Variants in SLC25A26 observed in about 807,000 individuals in gnomAD.
The protein encoded by SLC25A26 is solute carrier family 25 member 26.
A neutral mutation model predicts 37.8 loss-of-function variants in SLC25A26; 36 were observed. The observed-to-expected ratio is 0.95, with a 90% CI of 0.73 to 1.26. The LOEUF (loss-of-function observed/expected upper bound fraction) is 1.26, where lower values mean the gene tolerates loss of function less well. SLC25A26 is among the 50% of genes most tolerant of loss of function. The pLI, the probability that SLC25A26 is intolerant of heterozygous loss-of-function variation, is 0.00. For missense variants in SLC25A26, 390 were observed against 331.1 expected (o/e 1.18, Z -1.38); for synonymous variants, 129 against 122.5 (o/e 1.05, Z -0.35).
At chr3:66,156,068 C>T (rs1477036813) in intron 1 of SLC25A26, among the ~76,000 whole-genome samples, 2 of 152,088 alleles carry the variant, frequency 1.3e-5, no homozygotes, top group Non-Finnish European at 2.9e-5. Context: ...TCTGATCTGC[C>T]CCTCACTGTT....
intron 6 of SLC25A26, among the ~76,000 whole-genome samples, chr3:66,361,152 T>A (rs1421477777): frequency 6.6e-6 from 1 of 152,230 alleles, no homozygotes. Context: ...GAAATGATTA[T>A]CTTTCCCAGT....
chr3:66,356,454 A>G (rs2076578140), intron 6 of SLC25A26, among the ~76,000 whole-genome samples: 1 of 152,164 alleles, frequency 6.6e-6, no homozygotes, highest in African/African-American at 2.4e-5. Flanking sequence ...GAATAATACA[A>G]ATACTGTTAA....
At chr3:66,327,485 A>G (rs562038367) in intron 5 of SLC25A26, among the ~76,000 whole-genome samples, 1 of 152,180 alleles carries the variant, frequency 6.6e-6, no homozygotes, top group Admixed American at 6.5e-5. Context: ...CTTAAAATAT[A>G]TTTGTTAACC....
rs188443318 is a variant in SLC25A26, at chr3:66,365,253, C to T, written c.568+2324C>T. 1.3e-3 allele frequency among the ~76,000 whole-genome samples: 198 copies of T among 152,334 alleles called. 1 individual carries two copies. Among genetic ancestry groups the T allele is most frequent in the African/African-American group, 4.5e-3 (186 of 41,570 alleles). ...AGATTTCTCATCCCCATGTGCTTTT[C>T]CAAGTTTAAATTGGCTAAATCATTG... On this transcript the variant is annotated intron_variant, in intron 7 of 9. Coordinates refer to ENST00000354883, the MANE Select transcript of SLC25A26 (RefSeq NM_001379210.1).
intron 5 of SLC25A26, among the ~76,000 whole-genome samples, chr3:66,301,083 A>C (rs2075063461): frequency 6.6e-6 from 1 of 152,176 alleles, no homozygotes; most frequent in Non-Finnish European, 1.5e-5. Flanking sequence ...TGTGTCCTCA[A>C]ATAATTGGAT....
chr3:66,314,446 G>A (rs746326507), intron 5 of SLC25A26, among the ~76,000 whole-genome samples: 38 of 152,124 alleles, frequency 2.5e-4, no homozygotes, highest in Non-Finnish European at 2.4e-4. Context: ...TGAACCAGCC[G>A]TGCATCCTGG....
At chr3:66,310,988 G>A (rs1052779747) in intron 5 of SLC25A26, among the ~76,000 whole-genome samples, 1 of 152,054 alleles carries the variant, frequency 6.6e-6, no homozygotes, top group Admixed American at 6.6e-5. Context: ...ATCTTCTCGA[G>A]GAGTATCTTA....
intron 9 of SLC25A26, 69 bp from the exon 10 acceptor site, chr3:66,377,621 C>A: frequency 8.1e-7 from 1 of 1,235,942 alleles, no homozygotes; most frequent in Non-Finnish European, 1.2e-6. Flanking sequence ...GCTGAGCAAG[C>A]TGTGGGTATT....
chr3:66,210,485 T>A (rs1384984771), intron 1 of SLC25A26, among the ~76,000 whole-genome samples: 1 of 151,912 alleles, frequency 6.6e-6, no homozygotes, highest in Non-Finnish European at 1.5e-5. Flanking sequence ...CATATGCAAA[T>A]GTCCTGAGGC....
upstream of SLC25A26, among the ~76,000 whole-genome samples, chr3:66,219,072 G>T (rs2071403981): frequency 6.6e-6 from 1 of 152,218 alleles, no homozygotes. Flanking sequence ...TACAGATTTT[G>T]GTACTTGGAG....
At chr3:66,373,515 C>T (rs1575625073) in intron 9 of SLC25A26, among the ~76,000 whole-genome samples, 1 of 152,108 alleles carries the variant, frequency 6.6e-6, no homozygotes, top group Non-Finnish European at 1.5e-5. Flanking sequence ...AACTTTGTGG[C>T]CAGAGTGGTC....
chr3:66,262,060 C>G lies in SLC25A26; in HGVS notation c.310C>G (p.Leu104Val), dbSNP rs1255364402. The G allele has an allele frequency of 1.3e-6, 2 of 1,572,818 alleles. No individual in the cohort carries two copies. Among genetic ancestry groups the G allele is most frequent in the Admixed American group, 1.9e-5 (1 of 53,788 alleles). ...CAAATTTGTCTTTTAGGTTGCCTGC[C>G]TGATTCGAGTTCCATCTGAAGTGGT... ...AASAGEVVACLIRVPSEVVKQ... is the reference protein window; with the variant it reads ...AASAGEVVACVIRVPSEVVKQ... Residue 104 changes from leucine to valine, a missense_variant, in exon 4 of 10, where the codon CTG becomes GTG. Leu to Val is a conservative substitution (Grantham distance 32). Transcript: ENST00000354883.
intron 5 of SLC25A26, among the ~76,000 whole-genome samples, chr3:66,321,583 G>C (rs2075694605): frequency 6.6e-6 from 1 of 152,192 alleles, no homozygotes; most frequent in African/African-American, 2.4e-5. Flanking sequence ...TGTGTGTCCA[G>C]TGGGTGGGGG....
intron 6 of SLC25A26, among the ~76,000 whole-genome samples, chr3:66,349,693 T>G (rs1348556699): frequency 1.3e-5 from 2 of 152,186 alleles, no homozygotes; most frequent in Non-Finnish European, 2.9e-5. Flanking sequence ...GATGTAGGTT[T>G]TTACTTCTCT....
intron 1 of SLC25A26, among the ~76,000 whole-genome samples, chr3:66,144,793 T>A (rs558090482): frequency 6.6e-6 from 1 of 152,272 alleles, no homozygotes; most frequent in South Asian, 2.1e-4. Flanking sequence ...ACTCATTGAG[T>A]GTCTTTTTAT....
chr3:66,283,763 G>C (rs536491694), intron 5 of SLC25A26, among the ~76,000 whole-genome samples: 7 of 152,184 alleles, frequency 4.6e-5, no homozygotes, highest in Non-Finnish European at 1.0e-4. Context: ...AAATAGTCCA[G>C]AAAATAAATT....
rs535833442 is a variant in SLC25A26 at position 66,180,730 on chromosome 3, A to G, written c.-353-40012A>G. Among the ~76,000 whole-genome samples, 58 of 152,100 alleles carry G rather than the reference A, an allele frequency of 3.8e-4. 1 individual carries two copies. Among genetic ancestry groups the G allele is most frequent in the Middle Eastern group, 6.8e-3 (2 of 294 alleles). The stretch of plus-strand genomic sequence containing the variant: ...ACTGGGGGCGGGGTGGGGGACAGAG[A>G]GGGGAAGTAGACAAACTTTTTATTT... On this transcript the variant is annotated intron_variant, in intron 1 of 10. Coordinates refer to the SLC25A26 transcript ENST00000676754.
intron 5 of SLC25A26, among the ~76,000 whole-genome samples, chr3:66,309,402 T>C (rs1233931218): frequency 1.3e-5 from 2 of 152,196 alleles, no homozygotes; most frequent in Non-Finnish European, 2.9e-5. Context: ...TTCTTCTCTC[T>C]TCATTGGTCT....
At chr3:66,168,933 G>A (rs1346182220) in intron 1 of SLC25A26, among the ~76,000 whole-genome samples, 1 of 152,188 alleles carries the variant, frequency 6.6e-6, no homozygotes, top group Non-Finnish European at 1.5e-5. Context: ...ACCCGATTGA[G>A]CAACATAGCA....
Sources: gnomAD v4.1 joint callset for allele counts (sites outside exome capture counted in the v4.1 genomes callset) on GRCh38, gnomAD v4.1.1 for gene constraint, MANE v1.5 for transcripts, NCBI Gene and HGNC (gene_info 2026-07-23, HGNC 2026-07-21) for gene names.